The following MLLT3 variants were observed in gnomAD, a reference collection of about 807,000 sequenced individuals.
MLLT3 encodes the protein protein AF-9.
MLLT3 carries 4 observed loss-of-function variants against 53.2 expected under a neutral mutation model. The ratio of observed to expected loss-of-function variants is 0.08; its 90% confidence interval spans 0.04 to 0.17. The LOEUF is 0.17. MLLT3 is among the 10% of genes least tolerant of loss of function. The pLI is 1.00. For synonymous variants in MLLT3, 283 were observed against 230.6 expected, an observed-to-expected ratio of 1.23 and a Z score of -2.06; for missense variants, 569 against 684.0, an observed-to-expected ratio of 0.83 and a Z score of 1.87.
intron 2 of MLLT3, among the ~76,000 whole-genome samples, chr9:20,532,095 G>C (rs889885888): frequency 6.6e-6 from 1 of 151,918 alleles, no homozygotes; most frequent in Non-Finnish European, 1.5e-5. Context: ...ATTTGTTAAC[G>C]GCCCCTAAAT....
At chr9:20,557,652 T>A (rs1310584054) in intron 2 of MLLT3, among the ~76,000 whole-genome samples, 1 of 152,156 alleles carries the variant, frequency 6.6e-6, no homozygotes, top group East Asian at 1.9e-4. Context: ...ATGAACCCCA[T>A]TAGTCCCTTC....
At chr9:20,376,777 T>C (rs1821776019) in intron 5 of MLLT3, among the ~76,000 whole-genome samples, 1 of 152,172 alleles carries the variant, frequency 6.6e-6, no homozygotes, top group African/African-American at 2.4e-5. Context: ...GCTGCTACGA[T>C]TGTAGCCAGA....
chr9:20,526,086 T>G (rs569231378), intron 2 of MLLT3, among the ~76,000 whole-genome samples: 1 of 152,164 alleles, frequency 6.6e-6, no homozygotes, highest in South Asian at 2.1e-4. Flanking sequence ...CATAAAATAC[T>G]AGGGTATAAA....
chr9:20,434,297 C>T (rs1347874813), intron 4 of MLLT3, among the ~76,000 whole-genome samples: 2 of 152,092 alleles, frequency 1.3e-5, no homozygotes, highest in African/African-American at 2.4e-5. Context: ...CTAAAGTATT[C>T]AGGGACAACG....
At chr9:20,451,565 T>C (rs140033275) in intron 3 of MLLT3, among the ~76,000 whole-genome samples, 5 of 152,300 alleles carry the variant, frequency 3.3e-5, no homozygotes, top group African/African-American at 9.6e-5. Context: ...ACTCATCAAC[T>C]TGTGCTCTGG....
intron 2 of MLLT3, among the ~76,000 whole-genome samples, chr9:20,461,007 C>T (rs1206859080): frequency 1.3e-5 from 2 of 152,112 alleles, no homozygotes; most frequent in East Asian, 1.9e-4. Flanking sequence ...ATTCAACAGC[C>T]GTAAATAACC....
At chr9:20,622,147 T>C in intron 1 of MLLT3, 98 bp downstream of exon 1, 1 of 1,348,964 alleles carries the variant, frequency 7.4e-7, no homozygotes, top group African/African-American at 1.5e-5. Flanking sequence ...TTTCTCTAAT[T>C]GGAACCGCGG....
intron 5 of MLLT3, among the ~76,000 whole-genome samples, chr9:20,394,243 C>T (rs1822263627): frequency 6.6e-6 from 1 of 152,074 alleles, no homozygotes; most frequent in Non-Finnish European, 1.5e-5. Flanking sequence ...GGTACCTCCT[C>T]CAGAATTAGA....
chr9:20,474,310 T>C (rs182446233), intron 2 of MLLT3, among the ~76,000 whole-genome samples: 57 of 152,258 alleles, frequency 3.7e-4, no homozygotes, highest in African/African-American at 1.2e-3. Context: ...ATATCTGTTA[T>C]GATCTAAACA....
chr9:20,465,526 T>C (rs1200045356), intron 2 of MLLT3, among the ~76,000 whole-genome samples: 1 of 152,152 alleles, frequency 6.6e-6, no homozygotes, highest in Admixed American at 6.5e-5. Flanking sequence ...TGGCAATGTG[T>C]TATAAAATAA....
intron 2 of MLLT3, among the ~76,000 whole-genome samples, chr9:20,594,644 C>G (rs577548576): frequency 2.0e-5 from 3 of 152,172 alleles, no homozygotes; most frequent in Non-Finnish European, 2.9e-5. Context: ...CATAAAGACC[C>G]TGCTTACAAA....
intron 2 of MLLT3, among the ~76,000 whole-genome samples, chr9:20,600,984 C>G (rs942898109): frequency 6.6e-6 from 1 of 152,040 alleles, no homozygotes; most frequent in African/African-American, 2.4e-5. Flanking sequence ...TAAGGCATTT[C>G]TAGGGTTTCT....
At chr9:20,484,469 C>G (rs1824755371) in intron 2 of MLLT3, among the ~76,000 whole-genome samples, 1 of 152,156 alleles carries the variant, frequency 6.6e-6, no homozygotes, top group Admixed American at 6.5e-5. Flanking sequence ...CAACTGTGTG[C>G]AGTTTATAGA....
intron 2 of MLLT3, among the ~76,000 whole-genome samples, chr9:20,600,612 T>C (rs566600235): frequency 6.6e-6 from 1 of 152,344 alleles, no homozygotes; most frequent in East Asian, 1.9e-4. Context: ...GAAATCCAAC[T>C]AGATTTTAGG....
At chr9:20,612,301 C>T (rs1228101569) in intron 2 of MLLT3, among the ~76,000 whole-genome samples, 1 of 152,106 alleles carries the variant, frequency 6.6e-6, no homozygotes, top group East Asian at 1.9e-4. Context: ...TCCTTTCCAG[C>T]TCTAAAAAGA....
chr9:20,477,691 T>C (rs1054819248), intron 2 of MLLT3, among the ~76,000 whole-genome samples: 1 of 152,192 alleles, frequency 6.6e-6, no homozygotes, highest in African/African-American at 2.4e-5. Flanking sequence ...AGGCTAGAGC[T>C]AGTGACCTTT....
At chr9:20,556,526 C>T (rs1297213902) in intron 2 of MLLT3, among the ~76,000 whole-genome samples, 2 of 151,858 alleles carry the variant, frequency 1.3e-5, no homozygotes, top group Non-Finnish European at 2.9e-5. Flanking sequence ...CTACTAAAAA[C>T]ATAAAAATTA....
chr9:20,551,747 AACCATTT>A (rs1818931373), intron 2 of MLLT3, among the ~76,000 whole-genome samples: 1 of 152,206 alleles, frequency 6.6e-6, no homozygotes, highest in South Asian at 2.1e-4. Context: ...TGATGATACA[AACCATTT>A]ACCTGGAGGC....
chr9:20,353,158 T>G (rs895794913), intron 10 of MLLT3, among the ~76,000 whole-genome samples: 17 of 152,176 alleles, frequency 1.1e-4, no homozygotes, highest in African/African-American at 4.1e-4. Context: ...TGACTCAAAT[T>G]CTTATCACTG....
Sources: gnomAD v4.1 joint callset for allele counts (sites outside exome capture counted in the v4.1 genomes callset) on GRCh38, gnomAD v4.1.1 for gene constraint, MANE v1.5 for transcripts, NCBI Gene and HGNC (gene_info 2026-07-23, HGNC 2026-07-21) for gene names.